Variants in ESRRG observed in about 807,000 individuals in gnomAD.
ESRRG encodes estrogen-related receptor gamma.
Under a neutral mutation model 44.0 loss-of-function variants are expected in ESRRG, and 13 were observed. That is an observed-to-expected ratio of 0.30 (90% CI 0.19 to 0.47). ESRRG has a LOEUF of 0.47. ESRRG is among the 20% of genes least tolerant of loss of function. The probability of loss-of-function intolerance (pLI) is 1.00; values close to 1 mark genes in which losing one functional copy is unlikely to be tolerated. For missense variants in ESRRG, 395 were observed against 580.6 expected (o/e 0.68, Z 3.29); for synonymous variants, 215 against 214.6 (o/e 1.00, Z -0.02).
At chr1:217,027,428 G>A (rs1273997970) in intron 1 of ESRRG, among the ~76,000 whole-genome samples, 2 of 152,100 alleles carry the variant, frequency 1.3e-5, no homozygotes, top group African/African-American at 4.8e-5. Context: ...CCTTACAGAG[G>A]TGATTCAGTG....
At chr1:216,753,376 A>G (rs889357308) in intron 2 of ESRRG, among the ~76,000 whole-genome samples, 5 of 152,114 alleles carry the variant, frequency 3.3e-5, no homozygotes, top group African/African-American at 4.8e-5. Flanking sequence ...AATGTCAGAC[A>G]CTTTTCTTAT....
intron 5 of ESRRG, among the ~76,000 whole-genome samples, chr1:216,541,278 T>C (rs2149264741): frequency 6.6e-6 from 1 of 152,154 alleles, no homozygotes; most frequent in African/African-American, 2.4e-5. Flanking sequence ...AATTAAAAAC[T>C]ACAGGGCAAT....
At chr1:216,535,093 G>A (rs2050541876) in intron 5 of ESRRG, among the ~76,000 whole-genome samples, 1 of 152,102 alleles carries the variant, frequency 6.6e-6, no homozygotes, top group African/African-American at 2.4e-5. Context: ...GTGTTCATAG[G>A]CAAAAGAATG....
At chr1:217,031,201 A>C (rs568758429) in intron 1 of ESRRG, among the ~76,000 whole-genome samples, 2 of 152,356 alleles carry the variant, frequency 1.3e-5, no homozygotes, top group Non-Finnish European at 2.9e-5. Flanking sequence ...TGAAATATTT[A>C]CTATCTCGCC....
intron 2 of ESRRG, among the ~76,000 whole-genome samples, chr1:216,910,564 T>C (rs1463733490): frequency 1.3e-5 from 2 of 152,160 alleles, no homozygotes; most frequent in East Asian, 3.8e-4. Context: ...TCAGCACAAG[T>C]CACAGGACTG....
chr1:217,125,708 A>T (rs1474600758), intron 1 of ESRRG, among the ~76,000 whole-genome samples: 1 of 152,250 alleles, frequency 6.6e-6, no homozygotes, highest in African/African-American at 2.4e-5. Context: ...ACTGAACTGG[A>T]AGATCACTTT....
intron 3 of ESRRG, among the ~76,000 whole-genome samples, chr1:216,627,625 C>T (rs1056060464): frequency 6.6e-6 from 1 of 152,158 alleles, no homozygotes. Context: ...CAGAATTCCA[C>T]GAGCATGCTT....
At chr1:216,528,588 G>T (rs1237874391) in intron 5 of ESRRG, among the ~76,000 whole-genome samples, 1 of 152,082 alleles carries the variant, frequency 6.6e-6, no homozygotes, top group Non-Finnish European at 1.5e-5. Context: ...TGAAAACAAT[G>T]CTCATTGCTT....
chr1:216,648,143 T>C (rs1351126290), intron 3 of ESRRG, among the ~76,000 whole-genome samples: 1 of 152,180 alleles, frequency 6.6e-6, no homozygotes, highest in African/African-American at 2.4e-5. Context: ...TTTCAGACAG[T>C]ATCATTCTCT....
chr1:216,726,520 C>CA (rs896238811), upstream of ESRRG, among the ~76,000 whole-genome samples: 3 of 151,556 alleles, frequency 2.0e-5, no homozygotes, highest in Non-Finnish European at 2.9e-5. Flanking sequence ...ATCTCAATTA[C>CA]AAAAAAAATC....
At chr1:216,539,035 T>G (rs1256713068) in intron 5 of ESRRG, among the ~76,000 whole-genome samples, 1 of 152,034 alleles carries the variant, frequency 6.6e-6, no homozygotes, top group Non-Finnish European at 1.5e-5. Context: ...TTAAAACAGA[T>G]TTTGAGATAC....
intron 2 of ESRRG, among the ~76,000 whole-genome samples, chr1:216,928,249 T>C (rs1560145045): frequency 2.0e-5 from 3 of 152,166 alleles, no homozygotes; most frequent in Non-Finnish European, 4.4e-5. Flanking sequence ...CCCTGTAAAA[T>C]ATCTGTGGGC....
intron 1 of ESRRG, among the ~76,000 whole-genome samples, chr1:216,692,603 A>G (rs1024560441): frequency 1.3e-5 from 2 of 152,172 alleles, no homozygotes; most frequent in Non-Finnish European, 2.9e-5. Flanking sequence ...ACCTAAGTGT[A>G]GAGTGTTTAT....
intron 2 of ESRRG, among the ~76,000 whole-genome samples, chr1:216,932,780 C>G (rs1456394440): frequency 1.4e-5 from 2 of 142,652 alleles, no homozygotes; most frequent in Non-Finnish European, 3.0e-5. Context: ...ATTATGCAGC[C>G]AGGTATCAAA....
chr1:217,130,403 TTC>T (rs2092948569), intron 1 of ESRRG, among the ~76,000 whole-genome samples: 1 of 152,110 alleles, frequency 6.6e-6, no homozygotes, highest in Non-Finnish European at 1.5e-5. Flanking sequence ...TGGCTAATTT[TTC>T]TTTTTCTTTT....
intron 1 of ESRRG, among the ~76,000 whole-genome samples, chr1:217,059,137 G>T (rs1421653413): frequency 2.7e-5 from 4 of 149,604 alleles, no homozygotes; most frequent in African/African-American, 9.8e-5. Flanking sequence ...TACAAGAAAT[G>T]CAGGGGACAG....
intron 1 of ESRRG, among the ~76,000 whole-genome samples, chr1:216,683,830 T>A (rs2077463459): frequency 6.6e-6 from 1 of 152,158 alleles, no homozygotes; most frequent in South Asian, 2.1e-4. Flanking sequence ...TCATTTAATT[T>A]TTTTCTAATA....
chr1:217,019,765 C>T (rs904088377), intron 1 of ESRRG, among the ~76,000 whole-genome samples: 5 of 152,160 alleles, frequency 3.3e-5, no homozygotes, highest in African/African-American at 1.2e-4. Context: ...CAGGTGGGAA[C>T]GGCTCTGTCT....
intron 3 of ESRRG, among the ~76,000 whole-genome samples, chr1:216,583,729 C>A (rs555950993): frequency 1.3e-5 from 2 of 152,252 alleles, no homozygotes; most frequent in African/African-American, 4.8e-5. Context: ...GGGCAATTTA[C>A]AAAGGAATGA....
Sources: gnomAD v4.1 joint callset for allele counts (sites outside exome capture counted in the v4.1 genomes callset) on GRCh38, gnomAD v4.1.1 for gene constraint, MANE v1.5 for transcripts, NCBI Gene and HGNC (gene_info 2026-07-23, HGNC 2026-07-21) for gene names.